REDIC1: variants seen among roughly 807,000 people sequenced by gnomAD.
REDIC1 encodes regulator of DNA class I crossover intermediates 1, also known as HEI10 Interacting Protein 1.
chr12:39,727,782 C>T, the REDIC1 span, among the ~76,000 whole-genome samples: 9 of 151,986 alleles, frequency 5.9e-5, no homozygotes, highest in East Asian at 1.9e-4. Flanking sequence ...TTCCTATCCA[C>T]GAGCATGGAA....
the REDIC1 span, chr12:39,759,332 C>CA: frequency 4.7e-4 from 71 of 151,154 alleles, no homozygotes; most frequent in Middle Eastern, 6.8e-3. Context: ...ATCACTGATG[C>CA]AAAAAAAAGA....
At chr12:39,892,535 T>C in the REDIC1 span, among the ~76,000 whole-genome samples, 1 of 152,224 alleles carries the variant, frequency 6.6e-6, no homozygotes, top group Admixed American at 6.5e-5. Context: ...TAAACTACTG[T>C]AATCTTAATT....
the REDIC1 span, among the ~76,000 whole-genome samples, chr12:39,698,270 G>C: frequency 7.9e-5 from 12 of 152,188 alleles, no homozygotes; most frequent in African/African-American, 2.9e-4. Context: ...CCTCATGAAG[G>C]GGGTCAATTC....
the REDIC1 span, among the ~76,000 whole-genome samples, chr12:39,838,574 A>G: frequency 3.3e-5 from 5 of 151,980 alleles, no homozygotes; most frequent in Non-Finnish European, 5.9e-5. Context: ...GTATTCATAT[A>G]TTTAGAACAA....
At chr12:39,896,467 CATATATGTATATGTGT>C in the REDIC1 span, among the ~76,000 whole-genome samples, 4 of 124,116 alleles carry the variant, frequency 3.2e-5, no homozygotes, top group African/African-American at 1.2e-4. Flanking sequence ...TATATGTATA[CATATATGTATATGTGT>C]ATATATGTAC....
At chr12:39,689,232 G>A in the REDIC1 span, among the ~76,000 whole-genome samples, 3 of 152,302 alleles carry the variant, frequency 2.0e-5, no homozygotes, top group South Asian at 2.1e-4. Flanking sequence ...AAGATGGAAA[G>A]GACTGGGTCT....
chr12:39,731,285 G>T, the REDIC1 span, among the ~76,000 whole-genome samples: 2 of 152,256 alleles, frequency 1.3e-5, no homozygotes, highest in Non-Finnish European at 2.9e-5. Flanking sequence ...CCTCATCTTT[G>T]TGGATTTATC....
chr12:39,679,935 C>T, the REDIC1 span, among the ~76,000 whole-genome samples: 181 of 152,130 alleles, frequency 1.2e-3, 1 homozygote, highest in African/African-American at 4.2e-3. Flanking sequence ...AGTTGGCAAG[C>T]CACATGTAGT....
chr12:39,896,987 G>C, the REDIC1 span, among the ~76,000 whole-genome samples: 1 of 152,070 alleles, frequency 6.6e-6, no homozygotes, highest in South Asian at 2.1e-4. Flanking sequence ...AGGGAGGTGA[G>C]GGGTTTAGTA....
chr12:39,664,514 T>C, the REDIC1 span, among the ~76,000 whole-genome samples: 3 of 152,188 alleles, frequency 2.0e-5, no homozygotes, highest in Admixed American at 2.0e-4. Flanking sequence ...TTTGCTATTG[T>C]GAATAGTGCC....
the REDIC1 span, among the ~76,000 whole-genome samples, chr12:39,741,656 C>G: frequency 1.3e-5 from 2 of 152,136 alleles, no homozygotes; most frequent in Admixed American, 1.3e-4. Context: ...TTTAGGGAGG[C>G]AGGAGTTACA....
At chr12:39,686,944 A>G in the REDIC1 span, among the ~76,000 whole-genome samples, 1 of 152,210 alleles carries the variant, frequency 6.6e-6, no homozygotes, top group African/African-American at 2.4e-5. Flanking sequence ...ACAGATCCCT[A>G]GGGCAGGGGC....
At chr12:39,710,022 A>T in the REDIC1 span, among the ~76,000 whole-genome samples, 2 of 151,624 alleles carry the variant, frequency 1.3e-5, no homozygotes, top group African/African-American at 4.8e-5. Flanking sequence ...TCACCCTAAG[A>T]AGTGTGAGGT....
chr12:39,896,143 T>TAC, the REDIC1 span, among the ~76,000 whole-genome samples: 1 of 149,238 alleles, frequency 6.7e-6, no homozygotes, highest in Non-Finnish European at 1.5e-5. Flanking sequence ...CACGTGTACC[T>TAC]ATATATGTAT....
At chr12:39,626,620 C>T in the REDIC1 span, among the ~76,000 whole-genome samples, 1 of 152,198 alleles carries the variant, frequency 6.6e-6, no homozygotes, top group Non-Finnish European at 1.5e-5. Context: ...TGCTGCCCCT[C>T]CTCCCCTTCT....
the REDIC1 span, among the ~76,000 whole-genome samples, chr12:39,714,073 G>GTATATA: frequency 7.4e-5 from 11 of 147,860 alleles, 1 homozygote; most frequent in East Asian, 2.0e-4. Flanking sequence ...GTGTATATAC[G>GTATATA]TGTATATACA....
chr12:39,709,227 T>TG, the REDIC1 span, among the ~76,000 whole-genome samples: 1 of 8,196 alleles, frequency 1.2e-4, no homozygotes, highest in Middle Eastern at 0.083. Context: ...GACTTATGTG[T>TG]TTTTTTTTTT....
chr12:39,666,668 A>G, the REDIC1 span, among the ~76,000 whole-genome samples: 8 of 152,190 alleles, frequency 5.3e-5, no homozygotes, highest in Non-Finnish European at 1.0e-4. Context: ...TACCTTTGGT[A>G]GAATTCGGCT....
chr12:39,872,633 A>G, the REDIC1 span, among the ~76,000 whole-genome samples: 19 of 152,260 alleles, frequency 1.2e-4, no homozygotes, highest in Non-Finnish European at 2.4e-4. Flanking sequence ...TTAAAAGACC[A>G]TAATGCCAGT....
Sources: gnomAD v4.1 joint callset for allele counts (sites outside exome capture counted in the v4.1 genomes callset) on GRCh38, gnomAD v4.1.1 for gene constraint, MANE v1.5 for transcripts, NCBI Gene and HGNC (gene_info 2026-07-23, HGNC 2026-07-21) for gene names.